The following KCNMB2 variants were observed in gnomAD, a reference collection of about 807,000 sequenced individuals.
KCNMB2 encodes calcium-activated potassium channel subunit beta-2.
A neutral mutation model predicts 24.5 loss-of-function variants in KCNMB2; 9 were observed. The observed-to-expected ratio is 0.37, with a 90% CI of 0.22 to 0.64. The LOEUF (loss-of-function observed/expected upper bound fraction) is 0.64, where lower values mean the gene tolerates loss of function less well. KCNMB2 is among the 30% of genes least tolerant of loss of function. The pLI is 0.63. For missense variants in KCNMB2, 226 were observed against 284.3 expected (o/e 0.79, Z 1.47); for synonymous variants, 109 against 104.4 (o/e 1.04, Z -0.27).
intron 1 of KCNMB2, among the ~76,000 whole-genome samples, chr3:178,724,222 CATT>C (rs1484517725): frequency 6.6e-6 from 1 of 151,902 alleles, no homozygotes; most frequent in African/African-American, 2.4e-5. Flanking sequence ...GAAGGTATCT[CATT>C]GTGATTTTGA....
chr3:178,607,679 G>T (rs1204411956), intron 1 of KCNMB2, among the ~76,000 whole-genome samples: 1 of 151,956 alleles, frequency 6.6e-6, no homozygotes, highest in Admixed American at 6.6e-5. Context: ...ATACAAGTTT[G>T]TGTTTCAGGT....
chr3:178,578,133 G>A (rs532532627), intron 1 of KCNMB2, among the ~76,000 whole-genome samples: 22 of 152,256 alleles, frequency 1.4e-4, no homozygotes, highest in African/African-American at 4.8e-4. Flanking sequence ...AGAGAGAAAG[G>A]TTGGGTTACC....
At chr3:178,825,882 G>A in intron 3 of KCNMB2, 124 bp downstream of exon 3, 4 of 655,758 alleles carry the variant, frequency 6.1e-6, no homozygotes, top group South Asian at 2.4e-5. Context: ...AGAAGTTCCT[G>A]GTAAATAATA....
At chr3:178,720,542 T>C (rs1405946911) in intron 1 of KCNMB2, among the ~76,000 whole-genome samples, 1 of 119,996 alleles carries the variant, frequency 8.3e-6, no homozygotes, top group African/African-American at 3.7e-5. Flanking sequence ...TCTAGATCCC[T>C]GAGGAATCGC....
intron 1 of KCNMB2, among the ~76,000 whole-genome samples, chr3:178,542,892 T>C (rs1229671544): frequency 6.6e-6 from 1 of 152,194 alleles, no homozygotes; most frequent in East Asian, 1.9e-4. Flanking sequence ...GAGTCTCCCT[T>C]TCCTCAGAAG....
intron 1 of KCNMB2, among the ~76,000 whole-genome samples, chr3:178,787,768 A>C (rs1295682830): frequency 6.6e-6 from 1 of 152,086 alleles, no homozygotes; most frequent in African/African-American, 2.4e-5. Context: ...TTGGTACTTC[A>C]TTTGCCTAGC....
intron 4 of KCNMB2, among the ~76,000 whole-genome samples, chr3:178,831,707 A>G (rs1560039759): frequency 1.3e-5 from 2 of 152,148 alleles, no homozygotes. Context: ...TTGAGTACAC[A>G]TGGACATAAT....
At chr3:178,659,203 C>A (rs1417541287) in intron 1 of KCNMB2, among the ~76,000 whole-genome samples, 4 of 152,222 alleles carry the variant, frequency 2.6e-5, no homozygotes, top group Non-Finnish European at 4.4e-5. Flanking sequence ...TCCGATATGA[C>A]AACTGCCAGG....
chr3:178,727,277 T>TA lies in KCNMB2; in HGVS notation c.-67-80065dup, dbSNP rs1326027757. On this transcript the variant is annotated intron_variant, in intron 1 of 4. Coordinates refer to ENST00000452583, the MANE Select transcript of KCNMB2 (RefSeq NM_181361.3). ...TCCCCATATTTTTCCCCTTCCCCTA[T>TA]ATACCTGAATAATTTTAGTTTCGCC... Among the ~76,000 whole-genome samples the TA allele has an allele frequency of 3.9e-5, 6 of 152,226 alleles. No individual in the cohort carries two copies. In the East Asian group the frequency reaches 1.2e-3, roughly 29 times the overall value.
rs1722575680 is a variant in KCNMB2 at position 178,715,070 on chromosome 3, C to T, written c.-67-92273C>T. Among the ~76,000 whole-genome samples the T allele has an allele frequency of 2.0e-5, 3 of 152,272 alleles. No homozygotes were observed. In the South Asian group the frequency reaches 6.2e-4, roughly 32 times the overall value. On this transcript the variant is annotated intron_variant, in intron 1 of 4. Transcript: ENST00000452583. ...GAGAGATTTTGAAGGTTCCAGCCTA[C>T]TTTTTCTGTTTGAGGATTTTAAAAA...
At chr3:178,793,361 A>G (rs949250927) in intron 1 of KCNMB2, among the ~76,000 whole-genome samples, 2 of 152,234 alleles carry the variant, frequency 1.3e-5, no homozygotes, top group Non-Finnish European at 2.9e-5. Context: ...AAAACGTGAC[A>G]AGAATTTTCT....
chr3:178,619,889 C>G (rs1029639621), intron 1 of KCNMB2, among the ~76,000 whole-genome samples: 5 of 152,122 alleles, frequency 3.3e-5, no homozygotes, highest in Non-Finnish European at 7.4e-5. Context: ...CATTCTTACC[C>G]CTATACACTC....
intron 1 of KCNMB2, among the ~76,000 whole-genome samples, chr3:178,576,782 T>C (rs2108484102): frequency 6.6e-6 from 1 of 152,324 alleles, no homozygotes; most frequent in Non-Finnish European, 1.5e-5. Flanking sequence ...GTAGCCAGAC[T>C]GCCTGTCTAG....
chr3:178,547,896 C>A (rs1715825434), intron 1 of KCNMB2, among the ~76,000 whole-genome samples: 1 of 152,208 alleles, frequency 6.6e-6, no homozygotes, highest in African/African-American at 2.4e-5. Flanking sequence ...TCTTATCAGA[C>A]CTAATAAATC....
intron 1 of KCNMB2, among the ~76,000 whole-genome samples, chr3:178,656,480 T>C (rs1720347188): frequency 6.6e-6 from 1 of 152,104 alleles, no homozygotes; most frequent in Admixed American, 6.6e-5. Context: ...GCTAAAGAAA[T>C]GCTGTGCTCA....
intron 1 of KCNMB2, among the ~76,000 whole-genome samples, chr3:178,696,910 A>T (rs550330685): frequency 2.0e-5 from 3 of 152,288 alleles, no homozygotes; most frequent in Admixed American, 6.5e-5. Flanking sequence ...TTGTAATTGC[A>T]TGGTTTTGAG....
At chr3:178,754,651 C>A (rs888333053) in intron 1 of KCNMB2, among the ~76,000 whole-genome samples, 2 of 152,124 alleles carry the variant, frequency 1.3e-5, no homozygotes, top group Non-Finnish European at 2.9e-5. Context: ...TGCGCCCCCA[C>A]AACAGGGGAG....
At chr3:178,825,869 T>TC in intron 3 of KCNMB2, 111 bp downstream of exon 3, 1 of 746,468 alleles carries the variant, frequency 1.3e-6, no homozygotes, top group Non-Finnish European at 2.2e-6. Context: ...GATAAGAACT[T>TC]TGAGAAGTTC....
chr3:178,684,357 G>A (rs1721383187), intron 1 of KCNMB2, among the ~76,000 whole-genome samples: 1 of 149,688 alleles, frequency 6.7e-6, no homozygotes, highest in Admixed American at 6.7e-5. Context: ...AGAGGAAATG[G>A]GGAGATGTAG....
Sources: allele counts gnomAD v4.1 joint callset (sites outside exome capture counted in the v4.1 genomes callset), GRCh38; gene constraint gnomAD v4.1.1; transcripts MANE v1.5; gene names NCBI Gene and HGNC (gene_info 2026-07-23, HGNC 2026-07-21).